The following KRABD5 variants were observed in gnomAD, a reference collection of about 807,000 sequenced individuals.
KRABD5 encodes the protein KRAB domain containing 5.
the KRABD5 span, among the ~76,000 whole-genome samples, chr16:31,715,009 T>G: frequency 6.6e-6 from 1 of 152,126 alleles, no homozygotes; most frequent in Non-Finnish European, 1.5e-5. Flanking sequence ...AGGCCTTTCT[T>G]TCATAGGGAG....
chr16:31,727,902 TCCAAAC>T, the KRABD5 span, among the ~76,000 whole-genome samples: 2 of 152,156 alleles, frequency 1.3e-5, no homozygotes, highest in Admixed American at 1.3e-4. Context: ...CACTCTGATG[TCCAAAC>T]CAAAGTGCAG....
At chr16:31,748,150 C>T in the KRABD5 span, among the ~76,000 whole-genome samples, 10 of 152,090 alleles carry the variant, frequency 6.6e-5, no homozygotes, top group African/African-American at 2.2e-4. Context: ...TTTAATCCAT[C>T]TTGAATTAAT....
the KRABD5 span, among the ~76,000 whole-genome samples, chr16:31,715,987 C>T: frequency 6.6e-6 from 1 of 152,198 alleles, no homozygotes; most frequent in African/African-American, 2.4e-5. Flanking sequence ...CCTGCCCCCA[C>T]TGTGCTGCCA....
the KRABD5 span, among the ~76,000 whole-genome samples, chr16:31,720,715 C>T: frequency 6.6e-6 from 1 of 152,316 alleles, no homozygotes; most frequent in East Asian, 1.9e-4. Context: ...TTCAGGTGCT[C>T]TCTGCCAGAT....
At chr16:31,718,626 TG>T in the KRABD5 span, among the ~76,000 whole-genome samples, 1 of 152,188 alleles carries the variant, frequency 6.6e-6, no homozygotes, top group Non-Finnish European at 1.5e-5. Flanking sequence ...GCTGTGTTAC[TG>T]GAGTAGGGTA....
the KRABD5 span, among the ~76,000 whole-genome samples, chr16:31,752,208 C>A: frequency 6.6e-6 from 1 of 152,038 alleles, no homozygotes; most frequent in Non-Finnish European, 1.5e-5. Context: ...GTCCTGTGTG[C>A]ATATGAAGGA....
the KRABD5 span, chr16:31,723,430 G>C: frequency 7.0e-7 from 1 of 1,419,632 alleles, no homozygotes; most frequent in Non-Finnish European, 9.4e-7. Context: ...TTGAAGTGTG[G>C]ATTGGGAAGT....
At chr16:31,715,700 T>G in the KRABD5 span, among the ~76,000 whole-genome samples, 2 of 152,176 alleles carry the variant, frequency 1.3e-5, no homozygotes, top group African/African-American at 4.8e-5. Flanking sequence ...TCTGAACTTG[T>G]GGGGTCTGTG....
At chr16:31,747,829 A>G in the KRABD5 span, among the ~76,000 whole-genome samples, 1 of 151,854 alleles carries the variant, frequency 6.6e-6, no homozygotes, top group African/African-American at 2.4e-5. Context: ...CCACTTTTTG[A>G]TGGGGTTGTT....
At chr16:31,754,338 T>G in the KRABD5 span, 1 of 612,918 alleles carries the variant, frequency 1.6e-6, no homozygotes, top group South Asian at 2.0e-5. Context: ...CATTCATCAT[T>G]GCTTAATCAA....
the KRABD5 span, among the ~76,000 whole-genome samples, chr16:31,720,315 G>A: frequency 3.4e-3 from 513 of 152,342 alleles, 5 homozygotes; most frequent in South Asian, 0.02. Context: ...AGAGTATTGG[G>A]TGTAAGGGAC....
At chr16:31,733,163 C>T in the KRABD5 span, among the ~76,000 whole-genome samples, 18 of 152,082 alleles carry the variant, frequency 1.2e-4, no homozygotes, top group South Asian at 2.1e-4. Context: ...TAAAATACTA[C>T]GTGTTATTCA....
chr16:31,734,430 T>G, the KRABD5 span, among the ~76,000 whole-genome samples: 1 of 152,012 alleles, frequency 6.6e-6, no homozygotes, highest in Non-Finnish European at 1.5e-5. Context: ...TTAAAAAATT[T>G]TTGCAGAGAT....
the KRABD5 span, among the ~76,000 whole-genome samples, chr16:31,719,436 C>T: frequency 6.6e-6 from 1 of 152,158 alleles, no homozygotes; most frequent in Non-Finnish European, 1.5e-5. Flanking sequence ...ATCAGAAAAA[C>T]TCTGGGAGTC....
chr16:31,756,880 G>T, the KRABD5 span: 6 of 152,162 alleles, frequency 3.9e-5, no homozygotes, highest in Admixed American at 2.0e-4. Context: ...GTGTGTACCT[G>T]TCTTCAAATG....
the KRABD5 span, among the ~76,000 whole-genome samples, chr16:31,749,955 T>C: frequency 2.0e-5 from 3 of 152,324 alleles, no homozygotes; most frequent in South Asian, 2.1e-4. Context: ...TATAGTATAG[T>C]TTGAAGTTGG....
the KRABD5 span, among the ~76,000 whole-genome samples, chr16:31,719,636 C>T: frequency 6.6e-6 from 1 of 152,212 alleles, no homozygotes; most frequent in East Asian, 1.9e-4. Context: ...TCTGGCCCCA[C>T]CTTGGAGCCT....
At chr16:31,733,377 C>T in the KRABD5 span, 1 of 371,576 alleles carries the variant, frequency 2.7e-6, no homozygotes, top group South Asian at 2.0e-5. Context: ...TTATAACTAT[C>T]TCTTTTAGGT....
At chr16:31,739,759 G>A in the KRABD5 span, among the ~76,000 whole-genome samples, 134 of 152,102 alleles carry the variant, frequency 8.8e-4, no homozygotes, top group Non-Finnish European at 8.8e-4. Flanking sequence ...ACAAAATCTC[G>A]GCAGCACTGT....
Sources: allele counts gnomAD v4.1 joint callset (sites outside exome capture counted in the v4.1 genomes callset), GRCh38; gene constraint gnomAD v4.1.1; transcripts MANE v1.5; gene names NCBI Gene and HGNC (gene_info 2026-07-23, HGNC 2026-07-21).